Variants in MAP2K6 observed in about 807,000 individuals in gnomAD.
MAP2K6 encodes the protein dual specificity mitogen-activated protein kinase kinase 6.
MAP2K6 carries 16 observed loss-of-function variants against 53.7 expected under a neutral mutation model. That is an observed-to-expected ratio of 0.30 (90% confidence interval 0.20 to 0.45). The LOEUF (loss-of-function observed/expected upper bound fraction) is 0.45. Among genes scored for constraint, MAP2K6 ranks in the 20% least tolerant of loss-of-function variants. The probability of loss-of-function intolerance (pLI) is 1.00; values close to 1 mark genes in which losing one functional copy is unlikely to be tolerated. For missense variants in MAP2K6, 204 were observed against 411.9 expected (o/e 0.50, Z 4.37); for synonymous variants, 132 against 143.1 (o/e 0.92, Z 0.55).
intron 1 of MAP2K6, among the ~76,000 whole-genome samples, chr17:69,464,293 G>A (rs1479695549): frequency 6.6e-6 from 1 of 151,998 alleles, no homozygotes; most frequent in Non-Finnish European, 1.5e-5. Context: ...TAATTTTCAT[G>A]AAGATTAAAT....
At chr17:69,514,542 T>C (rs1431652336) in intron 2 of MAP2K6, among the ~76,000 whole-genome samples, 1 of 152,120 alleles carries the variant, frequency 6.6e-6, no homozygotes, top group Non-Finnish European at 1.5e-5. Context: ...TGTTTATATC[T>C]GTATTTGTAT....
intron 10 of MAP2K6, among the ~76,000 whole-genome samples, chr17:69,533,505 C>T (rs1027886667): frequency 2.0e-5 from 3 of 152,218 alleles, no homozygotes; most frequent in African/African-American, 2.4e-5. Context: ...AAGCTAGTAA[C>T]GGAGTGGGCC....
At chr17:69,510,149 G>A (rs1404861667) in intron 2 of MAP2K6, among the ~76,000 whole-genome samples, 1 of 152,070 alleles carries the variant, frequency 6.6e-6, no homozygotes, top group Non-Finnish European at 1.5e-5. Flanking sequence ...CCCTGCCTGA[G>A]AACTTTTATT....
At chr17:69,475,164 GTTTTTTTTTTTTT>G (rs775528883) in intron 1 of MAP2K6, among the ~76,000 whole-genome samples, 6 of 111,654 alleles carry the variant, frequency 5.4e-5, no homozygotes, top group African/African-American at 1.9e-4. Context: ...TGAAATCTGT[GTTTTTTTTTTTTT>G]TTTTTTTTTG....
chr17:69,450,560 C>T (rs913088207), intron 1 of MAP2K6, among the ~76,000 whole-genome samples: 1 of 152,206 alleles, frequency 6.6e-6, no homozygotes, highest in Non-Finnish European at 1.5e-5. Context: ...TTCATCCATG[C>T]TTTGCCTCTC....
At chr17:69,497,973 C>T (rs1411837450) in intron 1 of MAP2K6, among the ~76,000 whole-genome samples, 1 of 151,988 alleles carries the variant, frequency 6.6e-6, no homozygotes, top group Non-Finnish European at 1.5e-5. Flanking sequence ...GCTTGTCTTG[C>T]TTCTTCTCTC....
At position 69,437,015 on chromosome 17, in the gene MAP2K6, C is replaced by T. The variant is rs1300535214; in HGVS notation, c.16+22015C>T. On this transcript the variant is annotated intron_variant, in intron 1 of 11. Transcript: ENST00000590474. ...AATTTATTTTTATTTTTAGTAGAGA[C>T]GGGGTTTCACCATGTAGGCCAGGCT... is the stretch of plus-strand genomic sequence containing the variant. Among the ~76,000 whole-genome samples the T allele has an allele frequency of 7.9e-5, 12 of 151,878 alleles. No individual in the cohort carries two copies. The South Asian group carries it at 1.5e-3, about 18-fold the overall frequency.
intron 1 of MAP2K6, among the ~76,000 whole-genome samples, chr17:69,463,906 C>G (rs918348020): frequency 6.6e-6 from 1 of 151,074 alleles, no homozygotes; most frequent in African/African-American, 2.4e-5. Context: ...GTAATCCCAG[C>G]TACTCTGGGG....
intron 10 of MAP2K6, among the ~76,000 whole-genome samples, chr17:69,528,594 C>T (rs1910906855): frequency 6.6e-6 from 1 of 151,996 alleles, no homozygotes; most frequent in Non-Finnish European, 1.5e-5. Context: ...CGTGGTGGCT[C>T]ACGCCTGTAA....
intron 1 of MAP2K6, among the ~76,000 whole-genome samples, chr17:69,417,784 GGAGGGAGGGAGAGAAA>G (rs1281616088): frequency 2.0e-5 from 3 of 152,156 alleles, no homozygotes; most frequent in Non-Finnish European, 4.4e-5. Context: ...AATGATCTCC[GGAGGGAGGGAGAGAAA>G]GAGGGAGGTA....
At chr17:69,497,598 A>G (rs995771221) in intron 1 of MAP2K6, among the ~76,000 whole-genome samples, 2 of 151,836 alleles carry the variant, frequency 1.3e-5, no homozygotes, top group Admixed American at 6.6e-5. Flanking sequence ...CTCTTTTTAC[A>G]TCTGAAATTT....
intron 1 of MAP2K6, among the ~76,000 whole-genome samples, chr17:69,491,542 T>C (rs1908754010): frequency 6.6e-6 from 1 of 152,126 alleles, no homozygotes. Context: ...TGTGTATGTG[T>C]CTTTATGGTA....
At chr17:69,438,272 G>T (rs1005460509) in intron 1 of MAP2K6, among the ~76,000 whole-genome samples, 1 of 152,200 alleles carries the variant, frequency 6.6e-6, no homozygotes, top group Non-Finnish European at 1.5e-5. Context: ...TAACTAATTG[G>T]GTTGCCTGCA....
chr17:69,514,151 A>G (rs1463903592), intron 2 of MAP2K6, among the ~76,000 whole-genome samples: 1 of 151,850 alleles, frequency 6.6e-6, no homozygotes, highest in Non-Finnish European at 1.5e-5. Context: ...ATTGCAAAGG[A>G]TTTTTGTTGT....
rs772900091 is a variant in MAP2K6, at chr17:69,543,750, G to A, written c.*1997G>A. ...CAAATTGTCTCTCTGGTCTAGGTCC[G>A]ATTACTCTTACCTGTTTTTCCACTT... On this transcript the variant is annotated 3_prime_UTR_variant, in exon 12 of 12. Coordinates refer to ENST00000590474, the MANE Select transcript of MAP2K6 (RefSeq NM_002758.4). The A allele has an allele frequency of 5.3e-5, 8 of 152,132 alleles. No homozygotes were observed. The highest frequency in any genetic ancestry group is 1.0e-4 in the Non-Finnish European group (7 of 68,030). 9.4% of individuals were successfully genotyped at this position (152,132 alleles called of 1,614,324 possible).
chr17:69,524,719 A>G (rs905343441), intron 8 of MAP2K6, among the ~76,000 whole-genome samples, 182 bp from the exon 9 acceptor site: 1 of 152,188 alleles, frequency 6.6e-6, no homozygotes, highest in Non-Finnish European at 1.5e-5. Context: ...AGAAGAAGGG[A>G]AACCCCACGG....
chr17:69,441,858 A>C (rs757747319), intron 1 of MAP2K6, among the ~76,000 whole-genome samples: 10 of 152,072 alleles, frequency 6.6e-5, no homozygotes, highest in Non-Finnish European at 1.5e-4. Context: ...CCTGGAGAGA[A>C]GGGACTCCCT....
At chr17:69,510,308 T>C (rs895291326) in intron 2 of MAP2K6, among the ~76,000 whole-genome samples, 1 of 152,184 alleles carries the variant, frequency 6.6e-6, no homozygotes, top group Non-Finnish European at 1.5e-5. Context: ...TGAATCCCAG[T>C]TAGTTATGGT....
At chr17:69,501,675 C>T (rs1345580771) in intron 1 of MAP2K6, 3 of 152,150 alleles carry the variant, frequency 2.0e-5, no homozygotes, top group African/African-American at 7.2e-5. Flanking sequence ...GCTGCATATG[C>T]CCAATCAGGC....
Sources: allele counts gnomAD v4.1 joint callset (sites outside exome capture counted in the v4.1 genomes callset), GRCh38; gene constraint gnomAD v4.1.1; transcripts MANE v1.5; gene names NCBI Gene and HGNC (gene_info 2026-07-23, HGNC 2026-07-21).